The following DIP2A variants were observed in gnomAD, a reference collection of about 807,000 sequenced individuals.
The protein encoded by DIP2A is disco-interacting protein 2 homolog A.
In DIP2A, 85 loss-of-function variants were observed where a neutral mutation model predicts 177.4. The observed-to-expected ratio is 0.48, with a 90% CI of 0.40 to 0.57. The LOEUF is 0.57. DIP2A is among the 20% of genes least tolerant of loss of function. DIP2A has a pLI of 0.00. For missense variants in DIP2A, 1,791 were observed against 2,100.2 expected, an observed-to-expected ratio of 0.85 and a Z score of 2.88; for synonymous variants, 886 against 881.8, an observed-to-expected ratio of 1.00 and a Z score of -0.08.
intron 19 of DIP2A, 77 bp from the exon 20 acceptor site, chr21:46,545,804 C>G: frequency 6.4e-7 from 1 of 1,551,238 alleles, no homozygotes; most frequent in South Asian, 1.1e-5. Context: ...TGCTGAGCCT[C>G]CTGCCGCCTG....
chr21:46,568,370 A>G lies in DIP2A; in HGVS notation c.*748A>G, dbSNP rs2060891659. 1 of 152,160 alleles carries G rather than the reference A, an allele frequency of 6.6e-6. No individual in the cohort carries two copies. Among genetic ancestry groups the G allele is most frequent in the Non-Finnish European group, 1.5e-5 (1 of 68,058 alleles). The allele number at this position is 152,160 out of a possible 1,614,324, so 9.4% of individuals were successfully genotyped here. A position where few individuals can be genotyped will look rare whatever the true frequency, so the allele number is the denominator to read the frequency against. ...CCTGTCTCTACTAAAAATACAAAAA[A>G]TTAGCCGGGTGTGGTGGTGGGCGCC... On this transcript the variant is annotated 3_prime_UTR_variant, in exon 38 of 38. Transcript: ENST00000417564.
intron 18 of DIP2A, among the ~76,000 whole-genome samples, chr21:46,544,141 A>G (rs979406490): frequency 6.6e-6 from 1 of 152,090 alleles, no homozygotes; most frequent in Admixed American, 6.6e-5. Flanking sequence ...TCTGTGGCAG[A>G]GCTGAGGACT....
At chr21:46,549,700 T>TGAGGGTGA in intron 21 of DIP2A, 71 bp from the exon 22 acceptor site, 1 of 1,587,486 alleles carries the variant, frequency 6.3e-7, no homozygotes, top group Non-Finnish European at 8.6e-7. Context: ...TCTTCCATCG[T>TGAGGGTGA]GAGGGTGAGA....
rs777047626 is a variant in DIP2A, at chr21:46,520,992, C to T, written c.1103-8100C>T. Among the ~76,000 whole-genome samples, 14 of 152,176 alleles carry T rather than the reference C, an allele frequency of 9.2e-5. No individual in the cohort carries two copies. In the South Asian group the frequency reaches 1.2e-3, roughly 14 times the overall value. ...GTTTGTCAAATATTAAAGGTTTAAACGCTTGATATTACAAAATAGAATCCC... is the reference window on the plus strand; with the variant it reads ...GTTTGTCAAATATTAAAGGTTTAAATGCTTGATATTACAAAATAGAATCCC... On this transcript the variant is annotated intron_variant, in intron 8 of 37. Coordinates refer to ENST00000417564, the MANE Select transcript of DIP2A (RefSeq NM_015151.4).
rs201955611 is a variant in DIP2A at position 46,511,510 on chromosome 21, C to T, written c.998C>T (p.Pro333Leu). ...EPLTAGVPRP[P>L]SLLATLQRWG... ...CTCACTGCAGGTGTCCCCCGACCGC[C>T]GTCGCTGTTGGCCACCTTGCAGCGC... Residue 333 changes from proline (P) to leucine (L), a missense_variant, in exon 8 of 38, where the codon CCG becomes CTG. Transcript: ENST00000417564. The T allele has an allele frequency of 5.2e-4, 843 of 1,612,782 alleles. 2 individuals carry two copies. The Middle Eastern group carries it at 5.3e-3, about 10-fold the overall frequency.
intron 7 of DIP2A, 107 bp downstream of exon 7, chr21:46,509,483 T>C (rs1643952736): frequency 2.2e-6 from 3 of 1,342,966 alleles, no homozygotes. Flanking sequence ...CTATATATAT[T>C]CTGTTTCCAG....
At position 46,495,244 on chromosome 21, in the gene DIP2A, T is replaced by TTCTCTCTCTCTCTCTCTCTCTC. The variant is rs371550332; in HGVS notation, c.284-1730_284-1709dup. On this transcript the variant is annotated intron_variant, in intron 3 of 37. Transcript: ENST00000417564. Reference sequence around the variant, plus strand: ...CTTCTCTTCTCTTCTCTTCTCTTCTTTCTCTCTCTCTCTCTCTCTCTCTCT... The same window carrying TTCTCTCTCTCTCTCTCTCTCTC: ...CTTCTCTTCTCTTCTCTTCTCTTCTTTCTCTCTCTCTCTCTCTCTCTCTCTCTCTCTCTCTCTCTCTCTCTCT... Among the ~76,000 whole-genome samples, 54 of 38,196 alleles carry TTCTCTCTCTCTCTCTCTCTCTC rather than the reference T, an allele frequency of 1.4e-3. 2 individuals carry two copies. The highest frequency in any genetic ancestry group is 0.013 in the Middle Eastern group (1 of 78). 25.1% of individuals were successfully genotyped at this position (38,196 alleles called of 152,430 possible). A position where few individuals can be genotyped will look rare whatever the true frequency, so the allele number is the denominator to read the frequency against.
At chr21:46,477,923 T>G (rs1320299359) in intron 1 of DIP2A, among the ~76,000 whole-genome samples, 1 of 152,036 alleles carries the variant, frequency 6.6e-6, no homozygotes, top group Non-Finnish European at 1.5e-5. Context: ...GGAATTTAAT[T>G]TCATGCGTGG....
intron 7 of DIP2A, among the ~76,000 whole-genome samples, chr21:46,510,799 T>A (rs2058272480): frequency 1.3e-5 from 2 of 151,458 alleles, no homozygotes; most frequent in Non-Finnish European, 2.9e-5. Context: ...CCTGGCTAAT[T>A]TTTTTTTGTA....
At chr21:46,562,978 G>A (rs963084620) in intron 34 of DIP2A, among the ~76,000 whole-genome samples, 5 of 152,170 alleles carry the variant, frequency 3.3e-5, no homozygotes, top group Non-Finnish European at 5.9e-5. Flanking sequence ...ATGTACAGCC[G>A]CACTGTAATT....
chr21:46,508,859 A>G (rs1203437700), intron 6 of DIP2A, among the ~76,000 whole-genome samples: 2 of 151,726 alleles, frequency 1.3e-5, no homozygotes, highest in African/African-American at 4.8e-5. Flanking sequence ...CATCTCTACT[A>G]AAAATACAAA....
intron 26 of DIP2A, 113 bp from the exon 27 acceptor site, chr21:46,554,462 T>C (rs1029980694): frequency 1.3e-6 from 2 of 1,540,414 alleles, no homozygotes; most frequent in Admixed American, 3.8e-5. Context: ...AACCCAGGAG[T>C]CACCCATGCC....
chr21:46,554,979 T>C (rs2060412057), intron 28 of DIP2A, 46 bp downstream of exon 28: 1 of 1,523,590 alleles, frequency 6.6e-7, no homozygotes, highest in African/African-American at 1.4e-5. Context: ...TTCCTTTCTT[T>C]GTTGTAGGTG....
At chr21:46,549,935 C>G in intron 22 of DIP2A, 50 bp downstream of exon 22, 2 of 1,600,826 alleles carry the variant, frequency 1.2e-6, no homozygotes, top group Non-Finnish European at 1.7e-6. Flanking sequence ...CAAGCTGGCA[C>G]CCCCACTCCA....
At chr21:46,497,225 C>A in intron 4 of DIP2A, 118 bp downstream of exon 4, 1 of 1,242,774 alleles carries the variant, frequency 8.0e-7, no homozygotes, top group African/African-American at 1.5e-5. Flanking sequence ...AGATTGGACG[C>A]ATTTGGAGAT....
In DIP2A at chr21:46,538,619, G is replaced by A; in HGVS notation, c.1921+17G>A. ...CCAACCCGTGTGAGTGAGCCTGTGT[G>A]CCCGGCGCATACCCCACACAGTGTC... On this transcript the variant is annotated intron_variant, in intron 16 of 37. Coordinates refer to ENST00000417564, the MANE Select transcript of DIP2A (RefSeq NM_015151.4). 6.5e-7 allele frequency: 1 copy of A among 1,546,472 alleles called. No individual in the cohort carries two copies. Among genetic ancestry groups the A allele is most frequent in the Non-Finnish European group, 8.7e-7 (1 of 1,147,202 alleles).
chr21:46,514,634 T>TTG (rs1569013847), intron 8 of DIP2A, among the ~76,000 whole-genome samples: 4 of 137,054 alleles, frequency 2.9e-5, no homozygotes, highest in Admixed American at 1.5e-4. Context: ...TTTTTTTTTT[T>TTG]TTTTTTGGTT....
At chr21:46,572,017 G>T (rs2060972745), downstream of DIP2A, among the ~76,000 whole-genome samples, 1 of 152,132 alleles carries the variant, frequency 6.6e-6, no homozygotes, top group Admixed American at 6.5e-5. Context: ...TGCCCATTCA[G>T]TATGATACTG....
intron 11 of DIP2A, 97 bp downstream of exon 11, chr21:46,533,744 T>C (rs1307673696): frequency 6.5e-7 from 1 of 1,543,134 alleles, no homozygotes. Context: ...GGTGTCTGGG[T>C]CTTCAGCAAA....
Sources: gnomAD v4.1 joint callset for allele counts (sites outside exome capture counted in the v4.1 genomes callset) on GRCh38, gnomAD v4.1.1 for gene constraint, MANE v1.5 for transcripts, NCBI Gene and HGNC (gene_info 2026-07-23, HGNC 2026-07-21) for gene names.